DNAJC24: variants seen among roughly 807,000 people sequenced by gnomAD.
DNAJC24 encodes the protein DnaJ heat shock protein family (Hsp40) member C24, also known as dnaJ homolog subfamily C member 24.
DNAJC24 carries 17 observed loss-of-function variants against 18.0 expected under a neutral mutation model. That is an observed-to-expected ratio of 0.94 (90% CI 0.65 to 1.42). The LOEUF is 1.42. Ranked by LOEUF, DNAJC24 falls within the 40% of genes most tolerant of loss-of-function variation. DNAJC24 has a pLI of 0.00. For missense variants in DNAJC24, 158 were observed against 175.6 expected, an observed-to-expected ratio of 0.90 and a Z score of 0.57; for synonymous variants, 55 against 57.7, an observed-to-expected ratio of 0.95 and a Z score of 0.21.
chr11:31,382,141 G>A (rs1487711774), intron 2 of DNAJC24, among the ~76,000 whole-genome samples: 1 of 152,090 alleles, frequency 6.6e-6, no homozygotes. Context: ...GGTATCTGAT[G>A]TAATAAATAT....
chr11:31,381,871 C>A (rs1471194661), intron 2 of DNAJC24, among the ~76,000 whole-genome samples: 1 of 152,122 alleles, frequency 6.6e-6, no homozygotes, highest in Non-Finnish European at 1.5e-5. Flanking sequence ...GCTACTACGC[C>A]TGGCTCTCAA....
At chr11:31,400,577 A>G (rs898951120) in intron 2 of DNAJC24, among the ~76,000 whole-genome samples, 2 of 152,200 alleles carry the variant, frequency 1.3e-5, no homozygotes, top group African/African-American at 2.4e-5. Context: ...AACACCACAC[A>G]TCTACAACCA....
At chr11:31,393,040 G>A (rs1441149464) in intron 2 of DNAJC24, among the ~76,000 whole-genome samples, 1 of 152,148 alleles carries the variant, frequency 6.6e-6, no homozygotes, top group African/African-American at 2.4e-5. Context: ...CTTGATTCAG[G>A]CAATAAATCT....
intron 3 of DNAJC24, among the ~76,000 whole-genome samples, chr11:31,419,583 C>A (rs938599694): frequency 2.0e-5 from 3 of 151,936 alleles, no homozygotes; most frequent in African/African-American, 4.8e-5. Flanking sequence ...AGTTATAATT[C>A]TGGGACACTT....
At chr11:31,413,063 A>AT (rs916798871) in intron 2 of DNAJC24, among the ~76,000 whole-genome samples, 136 of 151,968 alleles carry the variant, frequency 8.9e-4, no homozygotes, top group African/African-American at 3.2e-3. Context: ...GGTACTTGCA[A>AT]TTTTTTTTGT....
At chr11:31,407,855 G>A (rs1456773497) in intron 2 of DNAJC24, among the ~76,000 whole-genome samples, 1 of 150,660 alleles carries the variant, frequency 6.6e-6, no homozygotes, top group East Asian at 1.9e-4. Context: ...TTATCAGTGG[G>A]TATCATCATT....
At chr11:31,378,665 T>A (rs1215426624) in intron 2 of DNAJC24, among the ~76,000 whole-genome samples, 2 of 152,124 alleles carry the variant, frequency 1.3e-5, no homozygotes, top group Admixed American at 6.6e-5. Flanking sequence ...GTTTTTTTTT[T>A]AATATTCCTA....
At position 31,432,484 on chromosome 11, in the gene DNAJC24, A is replaced by G. The variant is rs1952939545; in HGVS notation, c.*2083A>G. 6.3e-7 allele frequency: 1 copy of G among 1,590,034 alleles called. No homozygotes were observed. The highest frequency in any genetic ancestry group is 8.6e-7 in the Non-Finnish European group (1 of 1,159,558). ...TGAAAAGGAGACAATAATCAAGTCAAAAGAATAAATGCTTACTAATCATCA... is the reference window on the plus strand; with the variant it reads ...TGAAAAGGAGACAATAATCAAGTCAGAAGAATAAATGCTTACTAATCATCA... On this transcript the variant is annotated 3_prime_UTR_variant, in exon 5 of 5. Transcript: ENST00000465995.
Position 31,403,427 on chromosome 11 carries a change from A to G in DNAJC24, c.112-11384A>G, listed in dbSNP as rs918802316. Reference sequence around the variant, plus strand: ...ACGTTACATGCAAAGACATACATCAACACATGAAGTATATACATTGATTTG... The same window carrying G: ...ACGTTACATGCAAAGACATACATCAGCACATGAAGTATATACATTGATTTG... On this transcript the variant is annotated intron_variant, in intron 2 of 4. Transcript: ENST00000465995. 9.8e-5 allele frequency among the ~76,000 whole-genome samples: 15 copies of G among 152,296 alleles called. No individual in the cohort carries two copies. The South Asian group carries it at 1.7e-3, about 17-fold the overall frequency.
chr11:31,370,383 A>G (rs917683169), intron 1 of DNAJC24, among the ~76,000 whole-genome samples: 1 of 152,074 alleles, frequency 6.6e-6, no homozygotes, highest in African/African-American at 2.4e-5. Context: ...GTGGGTGCTT[A>G]CTTGTGTGCC....
chr11:31,418,985 A>G (rs1476435531), intron 3 of DNAJC24, among the ~76,000 whole-genome samples: 1 of 152,142 alleles, frequency 6.6e-6, no homozygotes, highest in Non-Finnish European at 1.5e-5. Flanking sequence ...GTAATTTCTT[A>G]AACTCAAAAT....
chr11:31,398,344 T>C (rs538612376), intron 2 of DNAJC24, among the ~76,000 whole-genome samples: 120 of 152,304 alleles, frequency 7.9e-4, no homozygotes, highest in African/African-American at 2.8e-3. Flanking sequence ...CTTATGCATG[T>C]AATCCCATCA....
chr11:31,414,984 G>T (rs775601185), intron 3 of DNAJC24, 35 bp downstream of exon 3: 6 of 1,602,814 alleles, frequency 3.7e-6, no homozygotes, highest in Non-Finnish European at 5.1e-6. Context: ...CAGCACATCG[G>T]CAACTCTTAG....
At chr11:31,393,965 G>A (rs1952521744) in intron 2 of DNAJC24, among the ~76,000 whole-genome samples, 1 of 152,202 alleles carries the variant, frequency 6.6e-6, no homozygotes, top group African/African-American at 2.4e-5. Context: ...GTTTCCTCAA[G>A]TGATCAATAA....
intron 2 of DNAJC24, chr11:31,385,005 A>T (rs954764965): frequency 6.6e-6 from 1 of 152,218 alleles, no homozygotes; most frequent in African/African-American, 2.4e-5. Flanking sequence ...AAGAGTTTTT[A>T]AAAAGCCTCT....
intron 2 of DNAJC24, among the ~76,000 whole-genome samples, chr11:31,383,706 C>G (rs967786491): frequency 6.6e-6 from 1 of 152,136 alleles, no homozygotes; most frequent in Non-Finnish European, 1.5e-5. Context: ...AAAAGAAATG[C>G]CCCCCGGATT....
Position 31,430,324 on chromosome 11 carries a change from A to C in DNAJC24, c.373A>C (p.Lys125Gln), listed in dbSNP as rs1253574711. ...ATGTGGTGGAAAATACAGTGTTTCC[A>C]AGGATGAAGCGGAAGAAGTTAGCCT... ...CRCGGKYSVS[K>Q]DEAEEVSLIS... The change falls in exon 5 of 5, where the codon AAG becomes CAG. Residue 125 changes from lysine to glutamine, a missense_variant. Coordinates refer to ENST00000465995, the MANE Select transcript of DNAJC24 (RefSeq NM_181706.5). The C allele has an allele frequency of 1.1e-5, 17 of 1,612,064 alleles. No individual in the cohort carries two copies. The highest frequency in any genetic ancestry group is 1.4e-5 in the Non-Finnish European group (16 of 1,178,586).
At chr11:31,383,632 G>C (rs758634600) in intron 2 of DNAJC24, among the ~76,000 whole-genome samples, 3 of 152,146 alleles carry the variant, frequency 2.0e-5, no homozygotes, top group Admixed American at 2.0e-4. Context: ...GGAAGTTAGT[G>C]CTATTACCAG....
chr11:31,387,963 C>G (rs1469465190), intron 2 of DNAJC24, among the ~76,000 whole-genome samples: 1 of 151,940 alleles, frequency 6.6e-6, no homozygotes, highest in Non-Finnish European at 1.5e-5. Context: ...AAATGGAATT[C>G]ATATCCTGAA....
Sources: gnomAD v4.1 joint callset for allele counts (sites outside exome capture counted in the v4.1 genomes callset) on GRCh38, gnomAD v4.1.1 for gene constraint, MANE v1.5 for transcripts, NCBI Gene and HGNC (gene_info 2026-07-23, HGNC 2026-07-21) for gene names.